The following RTL4 variants were observed in gnomAD, a reference collection of about 807,000 sequenced individuals.
RTL4 encodes retrotransposon Gag-like protein 4.
Under a neutral mutation model 5.3 loss-of-function variants are expected in RTL4, and 4 were observed. That is an observed-to-expected ratio of 0.75 (90% CI 0.37 to 1.72). The LOEUF is 1.72. Among genes scored for constraint, RTL4 ranks in the 40% most tolerant of loss-of-function variants. The pLI, the probability that RTL4 is intolerant of heterozygous loss-of-function variation, is 0.04. For missense variants in RTL4, 260 were observed against 227.1 expected, an observed-to-expected ratio of 1.14 and a Z score of -0.93; for synonymous variants, 98 against 87.3, an observed-to-expected ratio of 1.12 and a Z score of -0.68.
At chrX:112,376,697 C>T in the RTL4 span, among the ~76,000 whole-genome samples, 2 of 111,475 alleles carry the variant, frequency 1.8e-5, no homozygotes, top group African/African-American at 3.3e-5. Flanking sequence ...AGTTTTGCAC[C>T]GTCATTTGTA....
chrX:112,396,153 C>T, the RTL4 span, among the ~76,000 whole-genome samples: 243 of 110,634 alleles, frequency 2.2e-3, 2 homozygotes, highest in East Asian at 0.033. Context: ...CTTTTGGGTA[C>T]GGTTGGTTTG....
chrX:112,189,751 C>T, the RTL4 span, among the ~76,000 whole-genome samples: 2 of 102,011 alleles, frequency 2.0e-5, no homozygotes, highest in Non-Finnish European at 4.0e-5. Context: ...GTGACAAGAG[C>T]GAAACTCCAT....
the RTL4 span, among the ~76,000 whole-genome samples, chrX:112,221,571 C>A: frequency 1.8e-5 from 2 of 111,809 alleles, no homozygotes; most frequent in African/African-American, 3.3e-5. Flanking sequence ...ACCTTAGCAA[C>A]CCTAGAAGGA....
the RTL4 span, among the ~76,000 whole-genome samples, chrX:112,227,951 G>C: frequency 9.0e-6 from 1 of 111,492 alleles, no homozygotes; most frequent in Non-Finnish European, 1.9e-5. Flanking sequence ...GCCGATATTG[G>C]TTCCCAGGCT....
the RTL4 span, among the ~76,000 whole-genome samples, chrX:112,303,492 T>C: frequency 2.9e-5 from 3 of 103,871 alleles, no homozygotes; most frequent in Non-Finnish European, 5.8e-5. Flanking sequence ...TCATTCTCAG[T>C]AAACTATTGC....
At chrX:112,148,124 G>A in the RTL4 span, among the ~76,000 whole-genome samples, 4 of 110,709 alleles carry the variant, frequency 3.6e-5, no homozygotes, top group Non-Finnish European at 5.7e-5. Flanking sequence ...TTGTAAGAAT[G>A]GGAAGAGCAT....
the RTL4 span, among the ~76,000 whole-genome samples, chrX:112,128,641 G>C: frequency 1.1e-5 from 1 of 88,503 alleles, no homozygotes. Context: ...CTGGGAGACA[G>C]AGTGAGACTC....
At chrX:112,142,790 G>A in the RTL4 span, among the ~76,000 whole-genome samples, 2 of 111,870 alleles carry the variant, frequency 1.8e-5, no homozygotes, top group Non-Finnish European at 1.9e-5. Flanking sequence ...TATGGCTTAT[G>A]TTAGCATACA....
At chrX:112,284,850 G>A in the RTL4 span, among the ~76,000 whole-genome samples, 5 of 111,449 alleles carry the variant, frequency 4.5e-5, no homozygotes, top group Admixed American at 9.6e-5. Flanking sequence ...TCCCAGAGAC[G>A]CTCTAGAGCC....
At chrX:112,329,812 A>T in the RTL4 span, among the ~76,000 whole-genome samples, 4 of 111,088 alleles carry the variant, frequency 3.6e-5, no homozygotes, top group Admixed American at 1.9e-4. Context: ...TTATCCACCA[A>T]GATCAAGGTG....
the RTL4 span, among the ~76,000 whole-genome samples, chrX:112,088,215 C>T: frequency 7.0e-5 from 7 of 99,620 alleles, no homozygotes; most frequent in East Asian, 7.1e-4. Context: ...CCCCCATTTC[C>T]GCCCCCCTCC....
chrX:112,236,470 TATATAG>T, the RTL4 span, among the ~76,000 whole-genome samples: 138 of 77,544 alleles, frequency 1.8e-3, 1 homozygote, highest in African/African-American at 7.3e-3. Flanking sequence ...TCTATATCTA[TATATAG>T]ATATAGATCT....
the RTL4 span, among the ~76,000 whole-genome samples, chrX:112,295,088 T>A: frequency 1.8e-5 from 2 of 112,711 alleles, no homozygotes; most frequent in African/African-American, 6.4e-5. Context: ...AATCATAGCA[T>A]GTCCATGAGT....
At chrX:112,247,190 A>G in the RTL4 span, among the ~76,000 whole-genome samples, 46 of 112,093 alleles carry the variant, frequency 4.1e-4, no homozygotes, top group African/African-American at 1.5e-3. Context: ...AGCCTTATAC[A>G]TATTACTAAT....
the RTL4 span, among the ~76,000 whole-genome samples, chrX:112,176,732 C>T: frequency 9.0e-6 from 1 of 111,382 alleles, no homozygotes; most frequent in Admixed American, 9.6e-5. Context: ...TTATTGATAA[C>T]TATAATTTTC....
the RTL4 span, among the ~76,000 whole-genome samples, chrX:112,327,096 T>C: frequency 0.073 from 8,061 of 111,021 alleles, 231 homozygotes; most frequent in Middle Eastern, 0.16. Context: ...AAAAGCAGAG[T>C]GCCTCTCCTC....
At chrX:112,103,090 C>A in the RTL4 span, among the ~76,000 whole-genome samples, 1 of 111,574 alleles carries the variant, frequency 9.0e-6, no homozygotes, top group Non-Finnish European at 1.9e-5. Context: ...GGTATATACC[C>A]AAAGGAATAC....
chrX:112,262,074 TA>T, the RTL4 span, among the ~76,000 whole-genome samples: 15 of 111,693 alleles, frequency 1.3e-4, no homozygotes, highest in Non-Finnish European at 2.4e-4. Context: ...ATGTTAGACC[TA>T]AAACCATAAA....
the RTL4 span, among the ~76,000 whole-genome samples, chrX:112,370,267 GATCATAGC>G: frequency 9.0e-6 from 1 of 111,046 alleles, no homozygotes; most frequent in African/African-American, 3.3e-5. Flanking sequence ...TTTGTGGAGT[GATCATAGC>G]AGCAGCCAAC....
Sources: gnomAD v4.1 joint callset for allele counts (sites outside exome capture counted in the v4.1 genomes callset) on GRCh38, gnomAD v4.1.1 for gene constraint, MANE v1.5 for transcripts, NCBI Gene and HGNC (gene_info 2026-07-23, HGNC 2026-07-21) for gene names.